RAB11FIP1: variants seen among roughly 807,000 people sequenced by gnomAD.
The protein encoded by RAB11FIP1 is RAB11 family interacting protein 1.
In RAB11FIP1, 49 loss-of-function variants were observed where a neutral mutation model predicts 83.1. The observed-to-expected ratio is 0.59, with a 90% CI of 0.47 to 0.75. RAB11FIP1 has a LOEUF of 0.75. Among genes scored for constraint, RAB11FIP1 ranks in the 30% least tolerant of loss-of-function variants. The probability of loss-of-function intolerance (pLI) is 0.00; values close to 1 mark genes in which losing one functional copy is unlikely to be tolerated. For synonymous variants in RAB11FIP1, 670 were observed against 656.0 expected (o/e 1.02, Z -0.33); for missense variants, 1,536 against 1,598.7 (o/e 0.96, Z 0.67).
rs965170558 is a variant in RAB11FIP1 at position 37,860,936 on chromosome 8, A to G, written c.*1959T>C. 1 of 152,640 alleles carries G rather than the reference A, an allele frequency of 6.6e-6. No individual in the cohort carries two copies. Among genetic ancestry groups the G allele is most frequent in the African/African-American group, 2.4e-5 (1 of 41,444 alleles). The allele number at this position is 152,640 out of a possible 1,614,324, so 9.5% of individuals were successfully genotyped here. A position where few individuals can be genotyped will look rare whatever the true frequency, so the allele number is the denominator to read the frequency against. On this transcript the variant is annotated 3_prime_UTR_variant, in exon 6 of 6. Transcript: ENST00000330843. ...CCAATGATTTTGTCTCTTAACCTCAATGTAACAAGGACACACATAAAAGAG... is the reference window on the plus strand; with the variant it reads ...CCAATGATTTTGTCTCTTAACCTCAGTGTAACAAGGACACACATAAAAGAG...
At chr8:37,875,614 C>T (rs962421680) in intron 2 of RAB11FIP1, among the ~76,000 whole-genome samples, 20 of 152,006 alleles carry the variant, frequency 1.3e-4, no homozygotes, top group African/African-American at 4.1e-4. Flanking sequence ...TAGCAGAATC[C>T]GGCCAATGGG....
chr8:37,884,483 GC>G (rs1806788571), intron 1 of RAB11FIP1, among the ~76,000 whole-genome samples: 1 of 152,120 alleles, frequency 6.6e-6, no homozygotes, highest in Non-Finnish European at 1.5e-5. Flanking sequence ...AAAGTTCTAG[GC>G]TCAAGCCATC....
At chr8:37,867,398 A>G (rs1337477887) in intron 5 of RAB11FIP1, among the ~76,000 whole-genome samples, 1 of 152,162 alleles carries the variant, frequency 6.6e-6, no homozygotes, top group African/African-American at 2.4e-5. Context: ...TGCCCTGTCA[A>G]TGTGTCCTAC....
In RAB11FIP1 at chr8:37,874,707, G is replaced by A. The variant is rs141536416; in HGVS notation, c.1430C>T (p.Ser477Leu). The part of the protein sequence containing the change: ...LMGVKPGEDA[S>L]GPAEDLVRRS... ...TCTCACAAGGTCTTCAGCAGGCCCC[G>A]ATGCGTCCTCCCCCGGCTTAACCCC... The change falls in exon 3 of 6, where the codon TCG becomes TTG. Residue 477 changes from serine to leucine, a missense_variant. Ser to Leu is a moderately radical substitution (Grantham distance 145, BLOSUM62 -2). Transcript: ENST00000330843. 1.1e-3 allele frequency: 1,760 copies of A among 1,614,044 alleles called. 3 individuals carry two copies. Among genetic ancestry groups the A allele is most frequent in the Admixed American group, 1.8e-3 (107 of 59,998 alleles).
chr8:37,874,211 C>T (rs1336388792), intron 3 of RAB11FIP1, among the ~76,000 whole-genome samples: 2 of 152,216 alleles, frequency 1.3e-5, no homozygotes, highest in East Asian at 3.8e-4. Flanking sequence ...ACTCAGTATT[C>T]CCAACTTGCA....
chr8:37,869,317 C>T (rs747464906), intron 5 of RAB11FIP1, among the ~76,000 whole-genome samples: 4 of 151,002 alleles, frequency 2.6e-5, no homozygotes, highest in Non-Finnish European at 4.4e-5. Flanking sequence ...GTAGGCCGGG[C>T]GCAGGGGCTC....
rs141368494 is a variant in RAB11FIP1, at chr8:37,871,839, G to A, written c.2963C>T (p.Thr988Ile). Residue 988 changes from threonine to isoleucine, a missense_variant, in exon 4 of 6, where the codon ACA becomes ATA. Thr to Ile is a moderately conservative substitution (Grantham distance 89, BLOSUM62 -1). Transcript: ENST00000330843. ...TATGTCCAGAGTTGACGACTTTGCT[G>A]TCTCTCCATCATCTTCAACCTGATC... ...DGDQVEDDGETAKSSTLDIGA... is the reference protein window; with the variant it reads ...DGDQVEDDGEIAKSSTLDIGA... 4.3e-6 allele frequency: 7 copies of A among 1,614,046 alleles called. No individual in the cohort carries two copies. The highest frequency in any genetic ancestry group is 5.9e-6 in the Non-Finnish European group (7 of 1,180,034).
chr8:37,893,850 A>G (rs1465305040), intron 1 of RAB11FIP1, among the ~76,000 whole-genome samples: 7 of 152,180 alleles, frequency 4.6e-5, no homozygotes, highest in Admixed American at 2.0e-4. Context: ...AACTTTCTCC[A>G]TACTAACTGA....
At position 37,872,469 on chromosome 8, in the gene RAB11FIP1, C is replaced by T; in HGVS notation, c.2333G>A (p.Gly778Glu). ...GGAATCAATGGAAGGGACTGATGCT[C>T]CCATGGGAAGAGGGGGCGCCACTTC... ...AEEVAPPLPM[G>E]ASVPSIDSMM... Residue 778 changes from glycine (G) to glutamate (E), a missense_variant, in exon 4 of 6, where the codon GGA becomes GAA. By Grantham distance (98) the Gly-to-Glu change is moderately conservative. Transcript: ENST00000330843. 1 of 1,614,150 alleles carries T rather than the reference C, an allele frequency of 6.2e-7. No homozygotes were observed. Among genetic ancestry groups the T allele is most frequent in the Non-Finnish European group, 8.5e-7 (1 of 1,180,030 alleles).
intron 1 of RAB11FIP1, among the ~76,000 whole-genome samples, chr8:37,878,533 CAAAA>C (rs918942295): frequency 8.3e-5 from 2 of 24,098 alleles, no homozygotes; most frequent in South Asian, 2.9e-3. Flanking sequence ...GACTCCATCT[CAAAA>C]AAAAAAAAAA....
chr8:37,890,173 G>C (rs1806917591), intron 1 of RAB11FIP1, among the ~76,000 whole-genome samples: 1 of 152,160 alleles, frequency 6.6e-6, no homozygotes, highest in South Asian at 2.1e-4. Flanking sequence ...TCTCTGCATG[G>C]GAAAGGAGCA....
intron 5 of RAB11FIP1, among the ~76,000 whole-genome samples, chr8:37,865,425 T>G (rs374725259): frequency 6.6e-6 from 1 of 151,966 alleles, no homozygotes; most frequent in Admixed American, 6.6e-5. Flanking sequence ...GTTCAAGTGC[T>G]TCTCCTGCCT....
In RAB11FIP1 at chr8:37,872,558, T is replaced by G. The variant is rs1237522653; in HGVS notation, c.2244A>C (p.Gly748=). 6.2e-7 allele frequency: 1 copy of G among 1,613,814 alleles called. No individual in the cohort carries two copies. The highest frequency in any genetic ancestry group is 1.3e-5 in the African/African-American group (1 of 74,734). Residue 748 remains glycine, a synonymous_variant, in exon 4 of 6, where the codon GGA becomes GGC. Transcript: ENST00000330843. ...VSPVGELAAG[G]DRDLESQAGS... is the part of the protein sequence containing the mutation. ...CAGCCTGACTCTCCAAGTCTCTGTCTCCTCCTGCTGCAAGCTCCCCAACAG... is the reference window on the plus strand; with the variant it reads ...CAGCCTGACTCTCCAAGTCTCTGTCGCCTCCTGCTGCAAGCTCCCCAACAG...
chr8:37,895,420 G>T (rs1023959564), intron 1 of RAB11FIP1, among the ~76,000 whole-genome samples: 1 of 148,438 alleles, frequency 6.7e-6, no homozygotes, highest in African/African-American at 2.5e-5. Flanking sequence ...CTCCTAAAAA[G>T]GTTTCTATCA....
chr8:37,867,720 AAAGG>A (rs1289919561), intron 5 of RAB11FIP1, among the ~76,000 whole-genome samples: 114 of 151,924 alleles, frequency 7.5e-4, no homozygotes, highest in African/African-American at 2.5e-3. Context: ...AAGAAAAAAA[AAAGG>A]AAGGAAGGAA....
At chr8:37,864,787 T>C (rs551284024) in intron 5 of RAB11FIP1, among the ~76,000 whole-genome samples, 1 of 152,340 alleles carries the variant, frequency 6.6e-6, no homozygotes, top group Non-Finnish European at 1.5e-5. Context: ...TTTTAAAACT[T>C]TGAAGGCATG....
At chr8:37,878,311 G>T (rs1806661311) in intron 1 of RAB11FIP1, among the ~76,000 whole-genome samples, 1 of 151,602 alleles carries the variant, frequency 6.6e-6, no homozygotes, top group East Asian at 2.0e-4. Flanking sequence ...GAGGTGGGTG[G>T]ATCACAAGGT....
intron 1 of RAB11FIP1, among the ~76,000 whole-genome samples, chr8:37,892,196 T>C (rs1376910224): frequency 6.6e-6 from 1 of 152,146 alleles, no homozygotes; most frequent in African/African-American, 2.4e-5. Flanking sequence ...GTCAGGTCAG[T>C]TGAACCTCCA....
chr8:37,884,834 C>T (rs1413814689), intron 1 of RAB11FIP1, among the ~76,000 whole-genome samples: 1 of 151,694 alleles, frequency 6.6e-6, no homozygotes, highest in Non-Finnish European at 1.5e-5. Flanking sequence ...CAGGTGTGAA[C>T]CACTATGCCA....
Sources: gnomAD v4.1 joint callset for allele counts (sites outside exome capture counted in the v4.1 genomes callset) on GRCh38, gnomAD v4.1.1 for gene constraint, MANE v1.5 for transcripts, NCBI Gene and HGNC (gene_info 2026-07-23, HGNC 2026-07-21) for gene names.